Variants in AFF4 observed in about 807,000 individuals in gnomAD.
AFF4 encodes the protein ALF transcription elongation factor 4.
AFF4 carries 13 observed loss-of-function variants against 124.8 expected under a neutral mutation model. The ratio of observed to expected loss-of-function variants is 0.10; its 90% CI spans 0.07 to 0.17. The LOEUF (loss-of-function observed/expected upper bound fraction) is 0.17. AFF4 is among the 10% of genes least tolerant of loss of function. The pLI is 1.00. For synonymous variants in AFF4, 477 were observed against 496.1 expected (o/e 0.96, Z 0.51); for missense variants, 1,092 against 1,403.8 (o/e 0.78, Z 3.55).
At chr5:132,900,485 G>A (rs567852624) in intron 7 of AFF4, among the ~76,000 whole-genome samples, 27 of 152,178 alleles carry the variant, frequency 1.8e-4, no homozygotes, top group South Asian at 4.1e-4. Flanking sequence ...GCTTGAACCC[G>A]GGAGCTGGAG....
rs1760039116 is a variant in AFF4 at position 132,883,497 on chromosome 5, A to G, written c.3207T>C (p.Tyr1069=). 6.2e-7 allele frequency: 1 copy of G among 1,614,060 alleles called. No individual in the cohort carries two copies. The highest frequency in any genetic ancestry group is 8.5e-7 in the Non-Finnish European group (1 of 1,180,010). The change falls in exon 20 of 21, where the codon TAT becomes TAC. Residue 1069 remains tyrosine, a synonymous_variant. Transcript: ENST00000265343. ...PKLSPGNSGN[Y]SSGASSASAS... Reference sequence around the variant, plus strand: ...CAGAAGCACTACTGGCCCCAGATGAATAATTTCCTGAATTGCCTGGTGACA... The same window carrying G: ...CAGAAGCACTACTGGCCCCAGATGAGTAATTTCCTGAATTGCCTGGTGACA...
intron 2 of AFF4, 131 bp from the exon 3 acceptor site, chr5:132,935,072 C>A: frequency 1.6e-6 from 1 of 623,200 alleles, no homozygotes; most frequent in South Asian, 3.2e-5. Context: ...CATATCTTAA[C>A]GTTAATACCT....
At position 132,883,258 on chromosome 5, in the gene AFF4, A is replaced by G. The variant is rs73788220; in HGVS notation, c.3364+82T>C. 9,707 of 1,272,346 alleles carry G rather than the reference A, an allele frequency of 7.6e-3. 156 individuals are homozygous for G. The highest frequency in any genetic ancestry group is 0.056 in the African/African-American group (3,747 of 67,100). The allele number at this position is 1,272,346 out of a possible 1,614,324, so 78.8% of individuals were successfully genotyped here. A position where few individuals can be genotyped will look rare whatever the true frequency, so the allele number is the denominator to read the frequency against. ...AACTCTAAATAATAAAACTAAATAC[A>G]GACTAAACGCTTACTTAACTAAATT... On this transcript the variant is annotated intron_variant, in intron 20 of 20. Transcript: ENST00000265343.
At chr5:132,882,790 G>A (rs571328688) in intron 20 of AFF4, among the ~76,000 whole-genome samples, 1 of 149,822 alleles carries the variant, frequency 6.7e-6, no homozygotes, top group Non-Finnish European at 1.5e-5. Flanking sequence ...GAAGGTGGAA[G>A]CTGCAGTGAG....
intron 1 of AFF4, among the ~76,000 whole-genome samples, chr5:132,941,442 T>G (rs923614130): frequency 3.9e-5 from 6 of 152,148 alleles, no homozygotes. Context: ...CAAATGATTC[T>G]CATGCCTCAG....
rs1180224344 is a variant in AFF4, at chr5:132,875,416, G to T, written c.*5643C>A. ...TAACTTTAATACAGAAAATCTATTT[G>T]ATATTTATTAAACTTAGTTTCTCCA... is the stretch of plus-strand genomic sequence containing the variant. On this transcript the variant is annotated 3_prime_UTR_variant, in exon 21 of 21. Transcript: ENST00000265343. 5.6e-6 allele frequency: 1 copy of T among 179,004 alleles called. No homozygotes were observed. Among genetic ancestry groups the T allele is most frequent in the African/African-American group, 2.4e-5 (1 of 42,288 alleles). 11.1% of individuals were successfully genotyped at this position (179,004 alleles called of 1,614,324 possible). A position where few individuals can be genotyped will look rare whatever the true frequency, so the allele number is the denominator to read the frequency against.
chr5:132,944,188 T>A (rs1277678527), intron 1 of AFF4: 1 of 152,306 alleles, frequency 6.6e-6, no homozygotes, highest in African/African-American at 2.4e-5. Context: ...ATACAAAAAA[T>A]TAGCCAGGTG....
At chr5:132,893,179 T>G in intron 11 of AFF4, 61 bp from the exon 12 acceptor site, 3 of 1,340,148 alleles carry the variant, frequency 2.2e-6, no homozygotes, top group Non-Finnish European at 3.2e-6. Context: ...CTTCCAGCAC[T>G]AGCTACCCAC....
chr5:132,913,999 G>A (rs890036506), intron 5 of AFF4, among the ~76,000 whole-genome samples: 1 of 152,102 alleles, frequency 6.6e-6, no homozygotes, highest in African/African-American at 2.4e-5. Context: ...ACACCGAGGT[G>A]GGTGGATCGC....
At chr5:132,926,128 A>G in intron 5 of AFF4, 1 of 334,020 alleles carries the variant, frequency 3.0e-6, no homozygotes, top group Non-Finnish European at 6.0e-6. Flanking sequence ...ATACAGAACA[A>G]TATATTTGCG....
At chr5:132,933,834 T>C (rs1360882187) in intron 3 of AFF4, among the ~76,000 whole-genome samples, 2 of 152,230 alleles carry the variant, frequency 1.3e-5, no homozygotes, top group African/African-American at 2.4e-5. Context: ...CAAAGGTATA[T>C]TGTTCTATAA....
intron 5 of AFF4, among the ~76,000 whole-genome samples, chr5:132,907,323 T>C (rs776029907): frequency 1.3e-5 from 2 of 152,166 alleles, no homozygotes; most frequent in Admixed American, 6.5e-5. Context: ...CTATTTTTCA[T>C]AGAACTTCCC....
chr5:132,921,895 C>T (rs1012584364), intron 5 of AFF4, among the ~76,000 whole-genome samples: 2 of 152,088 alleles, frequency 1.3e-5, no homozygotes, highest in African/African-American at 4.8e-5. Flanking sequence ...ATCCTCCCAG[C>T]TTAGCATCCT....
At chr5:132,911,507 A>T (rs894762189) in intron 5 of AFF4, among the ~76,000 whole-genome samples, 1 of 152,066 alleles carries the variant, frequency 6.6e-6, no homozygotes, top group Non-Finnish European at 1.5e-5. Flanking sequence ...CTAAAGACAC[A>T]GCAATACAAA....
intron 7 of AFF4, chr5:132,901,150 A>G: frequency 1.0e-6 from 1 of 985,318 alleles, no homozygotes; most frequent in Non-Finnish European, 1.2e-6. Flanking sequence ...AAATGTACTT[A>G]GTCTGAATTC....
chr5:132,889,035 G>T, intron 14 of AFF4, 44 bp downstream of exon 14: 2 of 1,541,220 alleles, frequency 1.3e-6, no homozygotes, highest in Non-Finnish European at 9.0e-7. Flanking sequence ...ATGCTGACTG[G>T]AATCATTTCT....
Position 132,936,266 on chromosome 5 carries a change from CAAAAAAAAAAAAAA to C in AFF4, c.123+787_123+800del, listed in dbSNP as rs747936348. Among the ~76,000 whole-genome samples the C allele has an allele frequency of 1.5e-4, 7 of 45,460 alleles. No homozygotes were observed. In the East Asian group the frequency reaches 3.5e-3, roughly 23 times the overall value. The allele number at this position is 45,460 out of a possible 152,430, so 29.8% of individuals were successfully genotyped here. A position where few individuals can be genotyped will look rare whatever the true frequency, so the allele number is the denominator to read the frequency against. On this transcript the variant is annotated intron_variant, in intron 2 of 20. Transcript: ENST00000265343. ...TGGGCGACAGAGCAAGACTCCGTCT[CAAAAAAAAAAAAAA>C]AAAAAAAAAAAAATTAACTTCCACA...
chr5:132,963,406 G>A lies in AFF4; in HGVS notation c.-152C>T, dbSNP rs926552356. 8 of 398,242 alleles carry A rather than the reference G, an allele frequency of 2.0e-5. No individual in the cohort carries two copies. In the East Asian group the frequency reaches 2.9e-4, roughly 14 times the overall value. The allele number at this position is 398,242 out of a possible 1,614,324, so 24.7% of individuals were successfully genotyped here. A position where few individuals can be genotyped will look rare whatever the true frequency, so the allele number is the denominator to read the frequency against. On this transcript the variant is annotated 5_prime_UTR_variant, in exon 1 of 21. Coordinates refer to ENST00000265343, the MANE Select transcript of AFF4 (RefSeq NM_014423.4). ...GCGAGGGGCTCCGGGAGGCGGCGGGGGTTCCGGAGGCCTCGACAAACGAAG... is the reference window on the plus strand; with the variant it reads ...GCGAGGGGCTCCGGGAGGCGGCGGGAGTTCCGGAGGCCTCGACAAACGAAG...
chr5:132,916,658 C>T (rs1760918721), intron 5 of AFF4, among the ~76,000 whole-genome samples: 1 of 152,016 alleles, frequency 6.6e-6, no homozygotes, highest in African/African-American at 2.4e-5. Context: ...CGTTTGGAGG[C>T]CCTATAATTA....
Sources: allele counts gnomAD v4.1 joint callset (sites outside exome capture counted in the v4.1 genomes callset), GRCh38; gene constraint gnomAD v4.1.1; transcripts MANE v1.5; gene names NCBI Gene and HGNC (gene_info 2026-07-23, HGNC 2026-07-21).